The following FOXN3 variants were observed in gnomAD, a reference collection of about 807,000 sequenced individuals.
The protein encoded by FOXN3 is forkhead box N3.
In FOXN3, 7 loss-of-function variants were observed where a neutral mutation model predicts 38.4. The ratio of observed to expected loss-of-function variants is 0.18; its 90% CI spans 0.10 to 0.34. The LOEUF is 0.34. FOXN3 is among the 10% of genes least tolerant of loss of function. The pLI, the probability that FOXN3 is intolerant of heterozygous loss-of-function variation, is 1.00. For missense variants in FOXN3, 456 were observed against 613.4 expected (o/e 0.74, Z 2.71); for synonymous variants, 230 against 242.2 (o/e 0.95, Z 0.47).
chr14:89,166,883 G>A lies in FOXN3; in HGVS notation c.852-3914C>T, dbSNP rs530502187. On this transcript the variant is annotated intron_variant, in intron 5 of 5. Coordinates refer to ENST00000557258, the MANE Select transcript of FOXN3 (RefSeq NM_005197.4). ...GACTTGGTGTCAAATGTTTCCCGCC[G>A]CAGGGATTGCCATTACAGGACAACA... Among the ~76,000 whole-genome samples the A allele has an allele frequency of 7.0e-4, 107 of 152,302 alleles. 1 individual carries two copies. The highest frequency in any genetic ancestry group is 2.4e-3 in the African/African-American group (100 of 41,582).
intron 1 of FOXN3, among the ~76,000 whole-genome samples, chr14:89,450,301 CCTTGT>C (rs368134056): frequency 3.8e-4 from 58 of 152,284 alleles, no homozygotes; most frequent in African/African-American, 1.4e-3. Context: ...TCCATGGTGA[CCTTGT>C]CTTAACTAAT....
At chr14:89,323,745 A>AAAG (rs1887962125) in intron 3 of FOXN3, among the ~76,000 whole-genome samples, 1 of 152,050 alleles carries the variant, frequency 6.6e-6, no homozygotes, top group Non-Finnish European at 1.5e-5. Flanking sequence ...CAAACAAAAA[A>AAAG]CGGAGAGGAC....
intron 3 of FOXN3, among the ~76,000 whole-genome samples, chr14:89,314,111 A>G (rs4899978): frequency 0.76 from 115,689 of 152,050 alleles, 44,173 homozygotes; most frequent in Middle Eastern, 0.83. Flanking sequence ...ATTTTACATT[A>G]TGGGTATTTT....
At chr14:89,360,303 A>G (rs1204356405) in intron 2 of FOXN3, among the ~76,000 whole-genome samples, 1 of 140,486 alleles carries the variant, frequency 7.1e-6, no homozygotes, top group Admixed American at 7.0e-5. Context: ...AGAGGGATGG[A>G]GAGAGAGAGG....
At position 89,160,521 on chromosome 14, in the gene FOXN3, T is replaced by C. The variant is rs1887073192; in HGVS notation, c.*1893A>G. On this transcript the variant is annotated 3_prime_UTR_variant, in exon 6 of 6. Transcript: ENST00000557258. ...TTAGCACGGTTCCCCTTCTTCTGGC[T>C]AATTTGCATAATTATTCACTGCCTT... The C allele has an allele frequency of 1.3e-5, 2 of 152,624 alleles. No homozygotes were observed. Among genetic ancestry groups the C allele is most frequent in the Non-Finnish European group, 2.9e-5 (2 of 68,038 alleles). The allele number at this position is 152,624 out of a possible 1,614,324, so 9.5% of individuals were successfully genotyped here. A position where few individuals can be genotyped will look rare whatever the true frequency, so the allele number is the denominator to read the frequency against.
At chr14:89,418,014 C>A (rs1887102), upstream of FOXN3, among the ~76,000 whole-genome samples, 107,562 of 152,150 alleles carry the variant, frequency 0.71, 38,925 homozygotes, top group Admixed American at 0.8. Context: ...AGCCACCCAG[C>A]GAAATGGTGC....
At chr14:89,273,793 C>A (rs1886222088) in intron 4 of FOXN3, among the ~76,000 whole-genome samples, 1 of 152,142 alleles carries the variant, frequency 6.6e-6, no homozygotes, top group Admixed American at 6.5e-5. Flanking sequence ...AATATCTTTA[C>A]AAATAATGCA....
chr14:89,446,284 G>A (rs1295830840), intron 1 of FOXN3, among the ~76,000 whole-genome samples: 7 of 142,746 alleles, frequency 4.9e-5, no homozygotes, highest in Admixed American at 7.6e-5. Flanking sequence ...CACCTCCTGG[G>A]TTCAAGCGAT....
chr14:89,342,133 G>C (rs1355041218), intron 3 of FOXN3, among the ~76,000 whole-genome samples: 3 of 152,188 alleles, frequency 2.0e-5, no homozygotes, highest in Non-Finnish European at 2.9e-5. Flanking sequence ...CAGGGACTGA[G>C]GGCACCCCAG....
At chr14:89,314,993 C>T (rs1229572614) in intron 3 of FOXN3, among the ~76,000 whole-genome samples, 1 of 152,032 alleles carries the variant, frequency 6.6e-6, no homozygotes, top group African/African-American at 2.4e-5. Flanking sequence ...AGGTCACCTC[C>T]CCAGTAATCA....
chr14:89,319,971 G>A (rs556393778), intron 3 of FOXN3, among the ~76,000 whole-genome samples: 26 of 152,290 alleles, frequency 1.7e-4, no homozygotes, highest in Middle Eastern at 3.4e-3. Context: ...CAAGGATGAC[G>A]CTTTGCATTT....
intron 1 of FOXN3, among the ~76,000 whole-genome samples, chr14:89,578,308 C>G (rs1895675232): frequency 1.3e-5 from 2 of 152,136 alleles, no homozygotes; most frequent in African/African-American, 4.8e-5. Flanking sequence ...GTGATTTTTG[C>G]TAGCTAATCT....
chr14:89,267,895 T>C (rs901379534), intron 4 of FOXN3, among the ~76,000 whole-genome samples: 2 of 152,298 alleles, frequency 1.3e-5, no homozygotes, highest in Non-Finnish European at 2.9e-5. Flanking sequence ...TGGTTGGACA[T>C]GTGAGTCAAT....
chr14:89,494,580 G>A lies in FOXN3; in HGVS notation c.-14-82090C>T, dbSNP rs538096561. Among the ~76,000 whole-genome samples the A allele has an allele frequency of 2.6e-5, 4 of 152,310 alleles. No individual in the cohort carries two copies. In the East Asian group the frequency reaches 7.7e-4, roughly 29 times the overall value. ...GAAGGACAGAAAAGGTGAGCATCTT[G>A]TCTCCCCTAAGAACAGTTATCCTGG... On this transcript the variant is annotated intron_variant, in intron 1 of 6. Coordinates refer to the FOXN3 transcript ENST00000345097.
chr14:89,511,212 T>C (rs138829884), intron 1 of FOXN3, among the ~76,000 whole-genome samples: 1 of 26,592 alleles, frequency 3.8e-5, no homozygotes, highest in Admixed American at 7.4e-4. Flanking sequence ...CTTTTCTTTC[T>C]TTCTTTCTTT....
chr14:89,445,227 C>G (rs150006064), intron 1 of FOXN3, among the ~76,000 whole-genome samples: 1 of 152,134 alleles, frequency 6.6e-6, no homozygotes, highest in African/African-American at 2.4e-5. Flanking sequence ...GTATACCCGA[C>G]TTCTGAACTT....
At chr14:89,312,284 CAAAAAAAA>C (rs59949946) in intron 3 of FOXN3, among the ~76,000 whole-genome samples, 1 of 60,608 alleles carries the variant, frequency 1.6e-5, no homozygotes, top group African/African-American at 8.3e-5. Flanking sequence ...GACTCGGTCT[CAAAAAAAA>C]AAAAAAAAAG....
intron 3 of FOXN3, among the ~76,000 whole-genome samples, chr14:89,317,326 C>T (rs1193271887): frequency 6.6e-6 from 1 of 152,158 alleles, no homozygotes; most frequent in Non-Finnish European, 1.5e-5. Context: ...ACAGCCACCC[C>T]ACTTCCTGCG....
intron 1 of FOXN3, among the ~76,000 whole-genome samples, chr14:89,598,960 A>C (rs1416861315): frequency 2.6e-5 from 4 of 152,042 alleles, no homozygotes; most frequent in Non-Finnish European, 5.9e-5. Flanking sequence ...TTTTAGAACT[A>C]TCTCAGCTAT....
Sources: allele counts gnomAD v4.1 joint callset (sites outside exome capture counted in the v4.1 genomes callset), GRCh38; gene constraint gnomAD v4.1.1; transcripts MANE v1.5; gene names NCBI Gene and HGNC (gene_info 2026-07-23, HGNC 2026-07-21).